Variants in KCNC2 observed in about 807,000 individuals in gnomAD.
KCNC2 encodes voltage-gated potassium channel KCNC2.
Under a neutral mutation model 44.5 loss-of-function variants are expected in KCNC2, and 21 were observed. That is an observed-to-expected ratio of 0.47 (90% CI 0.33 to 0.68). The LOEUF is 0.68. KCNC2 is among the 30% of genes least tolerant of loss of function. The pLI, the probability that KCNC2 is intolerant of heterozygous loss-of-function variation, is 0.01. For synonymous variants in KCNC2, 391 were observed against 339.1 expected, an observed-to-expected ratio of 1.15 and a Z score of -1.68; for missense variants, 589 against 826.2, an observed-to-expected ratio of 0.71 and a Z score of 3.52.
chr12:75,075,014 T>C (rs556071506), intron 2 of KCNC2, among the ~76,000 whole-genome samples: 3 of 152,118 alleles, frequency 2.0e-5, no homozygotes, highest in African/African-American at 7.2e-5. Context: ...AACAGCAAGA[T>C]GTGTTGCATT....
intron 2 of KCNC2, among the ~76,000 whole-genome samples, chr12:75,052,438 C>G (rs886749713): frequency 1.3e-5 from 2 of 152,028 alleles, no homozygotes; most frequent in Admixed American, 6.6e-5. Flanking sequence ...AACTTGAAAT[C>G]CAGCTGTTTG....
chr12:75,111,278 A>G (rs766978435), intron 2 of KCNC2, among the ~76,000 whole-genome samples: 2 of 152,082 alleles, frequency 1.3e-5, no homozygotes, highest in African/African-American at 4.8e-5. Context: ...TTTTGAGGAG[A>G]TAGTTTAATA....
rs201306290 is a variant in KCNC2 at position 75,208,023 on chromosome 12, C to A, written c.-19-21G>T. ...CATGACTAGGGGGAGGCAAACACAG[C>A]GCCGAGTTAAAGATCTTAGCCGTCA... On this transcript the variant is annotated intron_variant, in intron 1 of 4. Transcript: ENST00000549446. 4.5e-5 allele frequency: 72 copies of A among 1,608,034 alleles called. No individual in the cohort carries two copies. The South Asian group carries it at 5.4e-4, about 12-fold the overall frequency.
In KCNC2 at chr12:75,041,699, G is replaced by C. The variant is rs60400648; in HGVS notation, c.*1406C>G. The C allele has an allele frequency of 1.3e-3, 1,320 of 994,524 alleles. 10 individuals are homozygous for C. In the African/African-American group the frequency reaches 0.021, roughly 16 times the overall value. The allele number at this position is 994,524 out of a possible 1,614,324, so 61.6% of individuals were successfully genotyped here. ...AATGAATGCTGGTTGCTAGGTAGTA[G>C]AAACTGACACTGCAGCAGGCAACCA... On this transcript the variant is annotated 3_prime_UTR_variant, in exon 5 of 5. Coordinates refer to ENST00000549446, the MANE Select transcript of KCNC2 (RefSeq NM_139137.4).
chr12:75,197,763 A>G (rs2030901371), intron 2 of KCNC2, among the ~76,000 whole-genome samples: 1 of 151,980 alleles, frequency 6.6e-6, no homozygotes, highest in African/African-American at 2.4e-5. Context: ...CTACTTTATC[A>G]TCCAATCAGT....
At chr12:75,149,532 C>A (rs1890246031) in intron 2 of KCNC2, among the ~76,000 whole-genome samples, 1 of 151,742 alleles carries the variant, frequency 6.6e-6, no homozygotes, top group Non-Finnish European at 1.5e-5. Flanking sequence ...TAAGAAGCCA[C>A]ACTAATGAAA....
intron 2 of KCNC2, among the ~76,000 whole-genome samples, chr12:75,176,787 A>G (rs1424013611): frequency 6.6e-6 from 1 of 151,994 alleles, no homozygotes; most frequent in South Asian, 2.1e-4. Flanking sequence ...CCATTAAAAT[A>G]TCTGTGACCT....
intron 2 of KCNC2, among the ~76,000 whole-genome samples, chr12:75,094,305 G>A (rs936932357): frequency 6.6e-6 from 1 of 151,552 alleles, no homozygotes; most frequent in Admixed American, 6.6e-5. Context: ...TTTTAGAAAT[G>A]GACCTCCATA....
chr12:75,052,999 C>T (rs1218224611), intron 2 of KCNC2, among the ~76,000 whole-genome samples: 4 of 152,092 alleles, frequency 2.6e-5, no homozygotes, highest in African/African-American at 4.8e-5. Flanking sequence ...GAGATAATAA[C>T]ATTCTTTTGT....
Position 75,151,915 on chromosome 12 carries a change from A to ATATATATAATATATTATATATTATACATT in KCNC2, c.687+55353_687+55381dup, listed in dbSNP as rs1404696660. 9.7e-3 allele frequency among the ~76,000 whole-genome samples: 1,376 copies of ATATATATAATATATTATATATTATACATT among 142,438 alleles called. 137 individuals are homozygous for ATATATATAATATATTATATATTATACATT. In the East Asian group the frequency reaches 0.16, roughly 17 times the overall value. The allele number at this position is 142,438 out of a possible 152,430, so 93.4% of individuals were successfully genotyped here. On this transcript the variant is annotated intron_variant, in intron 2 of 4. Transcript: ENST00000549446. ...AAGGGTCAAAGAGAAAGTCTAATAT[A>ATATATATAATATATTATATATTATACATT]TATATATAATATATTATATATTATA...
chr12:75,143,216 G>A (rs780849245), intron 2 of KCNC2, among the ~76,000 whole-genome samples: 4 of 152,096 alleles, frequency 2.6e-5, no homozygotes, highest in Non-Finnish European at 4.4e-5. Flanking sequence ...CCTCATCTAC[G>A]AAGTGAGGGA....
At chr12:75,160,154 T>A (rs983344226) in intron 2 of KCNC2, among the ~76,000 whole-genome samples, 1 of 151,750 alleles carries the variant, frequency 6.6e-6, no homozygotes, top group Admixed American at 6.6e-5. Context: ...ATTGTAAGGC[T>A]AGGCCCTAAT....
At chr12:75,047,039 AC>A (rs1880603745) in intron 4 of KCNC2, among the ~76,000 whole-genome samples, 1 of 152,044 alleles carries the variant, frequency 6.6e-6, no homozygotes, top group Non-Finnish European at 1.5e-5. Context: ...ACAACTAAGC[AC>A]GGTATTATTT....
intron 2 of KCNC2, among the ~76,000 whole-genome samples, chr12:75,072,218 G>A (rs573191851): frequency 2.6e-5 from 4 of 152,118 alleles, no homozygotes; most frequent in Non-Finnish European, 4.4e-5. Flanking sequence ...GTTACTAAAC[G>A]GCTAACCATT....
intron 2 of KCNC2, among the ~76,000 whole-genome samples, chr12:75,132,820 A>G (rs971618242): frequency 6.6e-6 from 1 of 152,108 alleles, no homozygotes; most frequent in African/African-American, 2.4e-5. Context: ...GTGATTCTAT[A>G]ACACTACTGA....
At chr12:75,191,956 T>C (rs1488228785) in intron 2 of KCNC2, among the ~76,000 whole-genome samples, 1 of 152,242 alleles carries the variant, frequency 6.6e-6, no homozygotes, top group Non-Finnish European at 1.5e-5. Flanking sequence ...GAAGACTTTT[T>C]TCATTCTATT....
At position 75,050,682 on chromosome 12, in the gene KCNC2, C is replaced by T. The variant is rs768290717; in HGVS notation, c.1323G>A (p.Gly441=). ...AVVTMTTLGY[G]DMYPQTWSGM... is the part of the protein sequence containing the mutation. ...CTGACCATGTTTGGGGGTACATATC[C>T]CCATAACCCAGGGTAGTCATGGTCA... Residue 441 remains glycine (G), a synonymous_variant, in exon 3 of 5, where the codon GGG becomes GGA. Coordinates refer to ENST00000549446, the MANE Select transcript of KCNC2 (RefSeq NM_139137.4). 2.5e-6 allele frequency: 4 copies of T among 1,613,508 alleles called. No individual in the cohort carries two copies. The highest frequency in any genetic ancestry group is 1.1e-5 in the South Asian group (1 of 91,068).
At chr12:75,165,045 A>T (rs1891355529) in intron 2 of KCNC2, among the ~76,000 whole-genome samples, 1 of 151,618 alleles carries the variant, frequency 6.6e-6, no homozygotes, top group African/African-American at 2.4e-5. Flanking sequence ...CAACTTGTTG[A>T]TGTCAAGAGA....
Position 75,051,272 on chromosome 12 carries a change from T to C in KCNC2, c.733A>G (p.Thr245Ala), listed in dbSNP as rs1396882462. Reference sequence around the variant, plus strand: ...GCTTCATGTGTTTCCAGGCAAAAAGTTGTAATTGAAACCAGGATGAAGAAT... The same window carrying C: ...GCTTCATGTGTTTCCAGGCAAAAAGCTGTAATTGAAACCAGGATGAAGAAT... ...SLFFILVSIT[T>A]FCLETHEAFN... is the part of the protein sequence containing the mutation. The change falls in exon 3 of 5, where the codon ACT becomes GCT. Residue 245 changes from threonine (T) to alanine (A), a missense_variant. Coordinates refer to ENST00000549446, the MANE Select transcript of KCNC2 (RefSeq NM_139137.4). 1.2e-6 allele frequency: 2 copies of C among 1,600,946 alleles called. No homozygotes were observed. Among genetic ancestry groups the C allele is most frequent in the African/African-American group, 2.7e-5 (2 of 74,624 alleles).
Sources: gnomAD v4.1 joint callset for allele counts (sites outside exome capture counted in the v4.1 genomes callset) on GRCh38, gnomAD v4.1.1 for gene constraint, MANE v1.5 for transcripts, NCBI Gene and HGNC (gene_info 2026-07-23, HGNC 2026-07-21) for gene names.